Variants in ADAMTS20 observed in about 807,000 individuals in gnomAD.
The protein encoded by ADAMTS20 is ADAM metallopeptidase with thrombospondin type 1 motif 20.
ADAMTS20 carries 225 observed loss-of-function variants against 260.1 expected under a neutral mutation model. The observed-to-expected ratio is 0.87, with a 90% CI of 0.78 to 0.97. ADAMTS20 has a LOEUF of 0.97. Among genes scored for constraint, ADAMTS20 ranks in the 50% least tolerant of loss-of-function variants. The pLI, the probability that ADAMTS20 is intolerant of heterozygous loss-of-function variation, is 0.00. For missense variants in ADAMTS20, 2,400 were observed against 2,337.7 expected (o/e 1.03, Z -0.55); for synonymous variants, 802 against 769.5 (o/e 1.04, Z -0.70).
intron 31 of ADAMTS20, among the ~76,000 whole-genome samples, chr12:43,379,601 G>C (rs909632964): frequency 6.6e-6 from 1 of 152,146 alleles, no homozygotes; most frequent in Non-Finnish European, 1.5e-5. Flanking sequence ...AAAGGCTAGG[G>C]AACCAAAATT....
intron 36 of ADAMTS20, among the ~76,000 whole-genome samples, chr12:43,373,454 A>C (rs570649762): frequency 6.6e-6 from 1 of 152,226 alleles, no homozygotes; most frequent in East Asian, 1.9e-4. Context: ...TGGAAGAAGA[A>C]TTGTCTTGGG....
intron 26 of ADAMTS20, 150 bp downstream of exon 26, chr12:43,428,091 T>C (rs11182068): frequency 0.096 from 76,902 of 801,928 alleles, 6,367 homozygotes; most frequent in East Asian, 0.43. Context: ...GTAATGAGCA[T>C]CAAAGACGCT....
chr12:43,467,277 T>A (rs566913052), intron 8 of ADAMTS20, among the ~76,000 whole-genome samples: 2 of 152,096 alleles, frequency 1.3e-5, no homozygotes, highest in East Asian at 3.8e-4. Flanking sequence ...AATACTATTT[T>A]AGGTCCATAC....
chr12:43,538,047 C>T (rs1347112914), intron 2 of ADAMTS20, among the ~76,000 whole-genome samples: 8 of 152,202 alleles, frequency 5.3e-5, no homozygotes, highest in Non-Finnish European at 1.0e-4. Flanking sequence ...AGTGGGATTG[C>T]TGGATCATAT....
chr12:43,470,428 A>G (rs1046563571), intron 7 of ADAMTS20, among the ~76,000 whole-genome samples: 3 of 152,254 alleles, frequency 2.0e-5, no homozygotes, highest in African/African-American at 7.2e-5. Flanking sequence ...TGTATCAAAT[A>G]TGATTAGAGA....
At chr12:43,428,193 A>C (rs2137300357) in intron 26 of ADAMTS20, 48 bp downstream of exon 26, 1 of 1,576,556 alleles carries the variant, frequency 6.3e-7, no homozygotes, top group East Asian at 2.2e-5. Flanking sequence ...AAAAGGATGT[A>C]ATATAACAAA....
chr12:43,451,846 A>G (rs1017643753), intron 14 of ADAMTS20, among the ~76,000 whole-genome samples: 3 of 152,274 alleles, frequency 2.0e-5, no homozygotes, highest in South Asian at 4.1e-4. Flanking sequence ...TGTTGAATGT[A>G]CATAAAAAAT....
rs775751605 is a variant in ADAMTS20 at position 43,377,481 on chromosome 12, G to A, written c.4879C>T (p.His1627Tyr). Residue 1627 changes from histidine to tyrosine, a missense_variant, in exon 32 of 39, where the codon CAT (histidine) becomes TAT (tyrosine). His to Tyr is a moderately conservative substitution (Grantham distance 83). Coordinates refer to ENST00000389420, the MANE Select transcript of ADAMTS20 (RefSeq NM_025003.5). ...TGATAAACTATAGGCCGAAGTCGATGGAGCTTATGTTTCTTAGTAGATGGG... is the reference window on the plus strand; with the variant it reads ...TGATAAACTATAGGCCGAAGTCGATAGAGCTTATGTTTCTTAGTAGATGGG... ...EIPSTKKHKL[H>Y]RLRPIVYQEC... is the part of the protein sequence containing the mutation. 2.5e-6 allele frequency: 4 copies of A among 1,613,622 alleles called. No homozygotes were observed. The highest frequency in any genetic ancestry group is 2.5e-6 in the Non-Finnish European group (3 of 1,179,680).
At position 43,475,559 on chromosome 12, in the gene ADAMTS20, C is replaced by T. The variant is rs540064088; in HGVS notation, c.1118-6854G>A. On this transcript the variant is annotated intron_variant, in intron 7 of 38. Coordinates refer to ENST00000389420, the MANE Select transcript of ADAMTS20 (RefSeq NM_025003.5). ...TCAATCCTAAGCCAAAAGAACAAAG[C>T]TGGAGGCATCATCACACTACCTGAC... Among the ~76,000 whole-genome samples the T allele has an allele frequency of 2.0e-5, 3 of 152,138 alleles. No homozygotes were observed. The East Asian group carries it at 5.8e-4, about 29-fold the overall frequency.
intron 3 of ADAMTS20, among the ~76,000 whole-genome samples, chr12:43,514,330 C>T (rs961748972): frequency 3.3e-5 from 5 of 151,530 alleles, no homozygotes; most frequent in South Asian, 4.2e-4. Context: ...TTTGGGAGGC[C>T]GAGGCAGGCA....
At chr12:43,535,940 T>C (rs1943288692) in intron 2 of ADAMTS20, among the ~76,000 whole-genome samples, 1 of 152,048 alleles carries the variant, frequency 6.6e-6, no homozygotes, top group Admixed American at 6.6e-5. Context: ...TTGCACTCTG[T>C]TGGAAAGAAG....
chr12:43,459,150 G>T (rs572412597), intron 11 of ADAMTS20, among the ~76,000 whole-genome samples: 5 of 152,302 alleles, frequency 3.3e-5, no homozygotes, highest in African/African-American at 1.2e-4. Context: ...TACAGCTGGA[G>T]CTGAGCTTTC....
chr12:43,551,729 G>A lies in ADAMTS20; in HGVS notation c.91+102C>T. ...AGTCCCGGGAGCTCCAGCAGGGCCA[G>A]CGTTCCCCAACGGGCTGAGCCGCTC... is the stretch of plus-strand genomic sequence containing the variant. On this transcript the variant is annotated intron_variant, in intron 1 of 38. Coordinates refer to ENST00000389420, the MANE Select transcript of ADAMTS20 (RefSeq NM_025003.5). The surrounding 1 kb of genome is among the most constrained non-coding windows in gnomAD (Gnocchi z 4.6). 2 of 1,225,138 alleles carry A rather than the reference G, an allele frequency of 1.6e-6. No homozygotes were observed. Among genetic ancestry groups the A allele is most frequent in the Non-Finnish European group, 2.3e-6 (2 of 852,338 alleles). 75.9% of individuals were successfully genotyped at this position (1,225,138 alleles called of 1,614,324 possible). A position where few individuals can be genotyped will look rare whatever the true frequency, so the allele number is the denominator to read the frequency against.
chr12:43,512,311 CA>C (rs1266579830), intron 3 of ADAMTS20, among the ~76,000 whole-genome samples: 1 of 148,246 alleles, frequency 6.7e-6, no homozygotes, highest in African/African-American at 2.5e-5. Flanking sequence ...AAAATACCCT[CA>C]TTTTATATAT....
intron 7 of ADAMTS20, among the ~76,000 whole-genome samples, chr12:43,489,607 T>C (rs1942572558): frequency 6.6e-6 from 1 of 151,956 alleles, no homozygotes; most frequent in Non-Finnish European, 1.5e-5. Flanking sequence ...TATAAAGATA[T>C]AATCAAAAGG....
chr12:43,439,188 T>C (rs890046451), intron 18 of ADAMTS20, among the ~76,000 whole-genome samples: 19 of 152,130 alleles, frequency 1.2e-4, no homozygotes, highest in Admixed American at 1.2e-3. Flanking sequence ...TACTTTCTCA[T>C]GGTCAGGGAA....
intron 29 of ADAMTS20, among the ~76,000 whole-genome samples, chr12:43,391,635 T>C (rs1003358562): frequency 4.6e-5 from 7 of 152,306 alleles, no homozygotes; most frequent in South Asian, 2.1e-4. Context: ...TAATGAGTAA[T>C]ATTGTTTGGG....
In ADAMTS20 at chr12:43,439,728, G is replaced by A. The variant is rs1229848777; in HGVS notation, c.2487C>T (p.Tyr829=). 10 of 1,612,492 alleles carry A rather than the reference G, an allele frequency of 6.2e-6. No homozygotes were observed. Among genetic ancestry groups the A allele is most frequent in the East Asian group, 2.2e-5 (1 of 44,870 alleles). The part of the protein sequence containing the change: ...ILQVLCVGNL[Y]NPDVHYSFNI... Reference sequence around the variant, plus strand: ...TGAAGGAATAATGTACATCAGGGTTGTATAAATTACCCACACACAACACCT... The same window carrying A: ...TGAAGGAATAATGTACATCAGGGTTATATAAATTACCCACACACAACACCT... Residue 829 remains tyrosine, a synonymous_variant, in exon 18 of 39, where the codon TAC becomes TAT. Coordinates refer to ENST00000389420, the MANE Select transcript of ADAMTS20 (RefSeq NM_025003.5).
intron 3 of ADAMTS20, among the ~76,000 whole-genome samples, chr12:43,510,597 A>G (rs920161203): frequency 5.3e-5 from 8 of 152,058 alleles, no homozygotes; most frequent in African/African-American, 1.7e-4. Flanking sequence ...CTTTCTATTT[A>G]GGTCCCATTG....
Sources: allele counts gnomAD v4.1 joint callset (sites outside exome capture counted in the v4.1 genomes callset), GRCh38; gene constraint gnomAD v4.1.1; non-coding constraint Gnocchi (gnomAD v3.1); transcripts MANE v1.5; gene names NCBI Gene and HGNC (gene_info 2026-07-23, HGNC 2026-07-21).